The following NRXN2 variants were observed in gnomAD, a reference collection of about 807,000 sequenced individuals.
The protein encoded by NRXN2 is neurexin 2.
A neutral mutation model predicts 128.8 loss-of-function variants in NRXN2; 29 were observed. That is an observed-to-expected ratio of 0.23 (90% CI 0.17 to 0.31). NRXN2 has a LOEUF of 0.31. NRXN2 is among the 10% of genes least tolerant of loss of function. The probability of loss-of-function intolerance (pLI) is 1.00; values close to 1 mark genes in which losing one functional copy is unlikely to be tolerated. For synonymous variants in NRXN2, 1,098 were observed against 1,075.2 expected, an observed-to-expected ratio of 1.02 and a Z score of -0.41; for missense variants, 1,881 against 2,452.6, an observed-to-expected ratio of 0.77 and a Z score of 4.92.
chr11:64,642,412 G>T, intron 17 of NRXN2: 1 of 1,346,956 alleles, frequency 7.4e-7, no homozygotes, highest in Non-Finnish European at 9.7e-7. Flanking sequence ...GCTCCGGGAC[G>T]CAAAGCAGAG....
chr11:64,686,218 C>T (rs2053027793), intron 5 of NRXN2, among the ~76,000 whole-genome samples: 1 of 152,216 alleles, frequency 6.6e-6, no homozygotes, highest in African/African-American at 2.4e-5. Flanking sequence ...CTGACAATTA[C>T]TCTGCCACAG....
chr11:64,653,735 TG>T lies in NRXN2; in HGVS notation c.2390-14del, dbSNP rs779844347. 20 of 1,574,430 alleles carry T rather than the reference TG, an allele frequency of 1.3e-5. No homozygotes were observed. The African/African-American group carries it at 2.6e-4, about 20-fold the overall frequency. ...ACGCGCAGGCAGTCTGGGGGGGCCA[TG>T]GGGCGGGCAGAGGGGAAGGGGAGAC... On this transcript the variant is annotated splice_polypyrimidine_tract_variant and intron_variant, in intron 11 of 22. Coordinates refer to ENST00000265459, the MANE Select transcript of NRXN2 (RefSeq NM_015080.4).
At chr11:64,645,228 C>CAGGG (rs962904788) in intron 17 of NRXN2, among the ~76,000 whole-genome samples, 1 of 151,872 alleles carries the variant, frequency 6.6e-6, no homozygotes, top group Non-Finnish European at 1.5e-5. Flanking sequence ...TATGGTTCCA[C>CAGGG]AGGGAGGGAG....
intron 6 of NRXN2, among the ~76,000 whole-genome samples, chr11:64,684,699 A>G (rs2052774094): frequency 6.6e-6 from 1 of 152,166 alleles, no homozygotes; most frequent in African/African-American, 2.4e-5. Flanking sequence ...AGAGACAAGG[A>G]AAGTTAGCCA....
chr11:64,702,303 C>T (rs1195694865), intron 2 of NRXN2, among the ~76,000 whole-genome samples: 4 of 152,166 alleles, frequency 2.6e-5, no homozygotes, highest in Non-Finnish European at 1.5e-5. Context: ...GGAGGTGTAC[C>T]CAACAGCTCA....
chr11:64,707,563 GCTA>G (rs1335574141), intron 2 of NRXN2, among the ~76,000 whole-genome samples: 1 of 151,954 alleles, frequency 6.6e-6, no homozygotes. Context: ...CTGTTTTTTT[GCTA>G]CTATGTATTG....
At chr11:64,711,857 G>A (rs559616024) in intron 2 of NRXN2, among the ~76,000 whole-genome samples, 1 of 152,294 alleles carries the variant, frequency 6.6e-6, no homozygotes, top group East Asian at 1.9e-4. Flanking sequence ...ACTCTTCGGA[G>A]GCGCTCTGAG....
At chr11:64,642,736 G>T in intron 17 of NRXN2, 1 of 1,425,438 alleles carries the variant, frequency 7.0e-7, no homozygotes, top group Admixed American at 2.4e-5. Flanking sequence ...TGGAGGCGGC[G>T]GCAGGGGCCC....
At chr11:64,662,803 A>G (rs2049234372) in intron 9 of NRXN2, among the ~76,000 whole-genome samples, 1 of 151,874 alleles carries the variant, frequency 6.6e-6, no homozygotes. Context: ...TAAATAAATA[A>G]ATAAAAGGGG....
rs78357347 is a variant in NRXN2, at chr11:64,704,889, G to A, written c.731-7097C>T. 2.7e-3 allele frequency among the ~76,000 whole-genome samples: 417 copies of A among 152,294 alleles called. 2 individuals carry two copies. The highest frequency in any genetic ancestry group is 9.3e-3 in the African/African-American group (388 of 41,566). On this transcript the variant is annotated intron_variant, in intron 2 of 22. Coordinates refer to ENST00000265459, the MANE Select transcript of NRXN2 (RefSeq NM_015080.4). ...AGTTAAATCAAGTTCCAGCTATTAT[G>A]CTTAGGGAGGCAGAGAGGTGTGTAA...
chr11:64,711,352 A>T (rs965041447), intron 2 of NRXN2, among the ~76,000 whole-genome samples: 1 of 152,136 alleles, frequency 6.6e-6, no homozygotes, highest in African/African-American at 2.4e-5. Flanking sequence ...TGAGGCACAC[A>T]CGAGCTGGAA....
intron 11 of NRXN2, among the ~76,000 whole-genome samples, chr11:64,656,300 T>C (rs2048272114): frequency 1.3e-5 from 2 of 152,142 alleles, no homozygotes; most frequent in Admixed American, 1.3e-4. Context: ...ATTAAAGGGC[T>C]TTGGGATACA....
At chr11:64,640,530 A>T (rs185319570) in intron 17 of NRXN2, among the ~76,000 whole-genome samples, 1 of 151,872 alleles carries the variant, frequency 6.6e-6, no homozygotes, top group Non-Finnish European at 1.5e-5. Context: ...TGAAAGGGGG[A>T]GGAAGGTAAC....
intron 14 of NRXN2, among the ~76,000 whole-genome samples, chr11:64,650,976 C>A (rs1368906590): frequency 6.6e-6 from 1 of 152,074 alleles, no homozygotes; most frequent in African/African-American, 2.4e-5. Flanking sequence ...AACGGAGGGG[C>A]AAGACTGACT....
intron 9 of NRXN2, among the ~76,000 whole-genome samples, chr11:64,666,852 C>G (rs547922003): frequency 6.6e-6 from 1 of 152,118 alleles, no homozygotes; most frequent in Non-Finnish European, 1.5e-5. Flanking sequence ...CATGAGGCAT[C>G]GCACCCGGCC....
At chr11:64,697,942 C>G (rs1317512463) in intron 2 of NRXN2, 150 bp from the exon 3 acceptor site, 2 of 834,644 alleles carry the variant, frequency 2.4e-6, no homozygotes, top group Admixed American at 2.1e-5. Flanking sequence ...GTGGAAGGCC[C>G]AAATCTCAAG....
At chr11:64,692,960 C>G (rs963818125) in intron 3 of NRXN2, 84 bp from the exon 4 acceptor site, 1 of 1,185,782 alleles carries the variant, frequency 8.4e-7, no homozygotes, top group Admixed American at 2.0e-5. Context: ...AAAGAAAACA[C>G]GAGTCATCAA....
rs1048672918 is a variant in NRXN2 at position 64,650,657 on chromosome 11, G to A, written c.2919-19C>T. The A allele has an allele frequency of 6.2e-6, 10 of 1,612,904 alleles. No homozygotes were observed. The highest frequency in any genetic ancestry group is 8.5e-6 in the Non-Finnish European group (10 of 1,179,046). Reference sequence around the variant, plus strand: ...GATGTACCTGCCCCACAGTAGGGAGGAGACACTGGGTCAGGGCGGGGGTGA... The same window carrying A: ...GATGTACCTGCCCCACAGTAGGGAGAAGACACTGGGTCAGGGCGGGGGTGA... On this transcript the variant is annotated intron_variant, in intron 14 of 22. Transcript: ENST00000265459.
intron 17 of NRXN2, among the ~76,000 whole-genome samples, chr11:64,641,285 G>C (rs975485187): frequency 3.3e-5 from 5 of 151,982 alleles, no homozygotes; most frequent in Non-Finnish European, 7.4e-5. Context: ...GGAGGTGAGA[G>C]AGGTACAGAG....
Sources: allele counts gnomAD v4.1 joint callset (sites outside exome capture counted in the v4.1 genomes callset), GRCh38; gene constraint gnomAD v4.1.1; transcripts MANE v1.5; gene names NCBI Gene and HGNC (gene_info 2026-07-23, HGNC 2026-07-21).